Variants in FCSK observed in about 807,000 individuals in gnomAD.
FCSK encodes fucose kinase.
Under a neutral mutation model 122.5 loss-of-function variants are expected in FCSK, and 123 were observed. The ratio of observed to expected loss-of-function variants is 1.00; its 90% CI spans 0.87 to 1.17. The LOEUF is 1.17. Ranked by LOEUF, FCSK falls within the 50% of genes most tolerant of loss-of-function variation. FCSK has a pLI of 0.00. For missense variants in FCSK, 1,366 were observed against 1,450.4 expected, an observed-to-expected ratio of 0.94 and a Z score of 0.95; for synonymous variants, 620 against 625.5, an observed-to-expected ratio of 0.99 and a Z score of 0.13.
chr16:70,467,828 G>T, intron 7 of FCSK, 58 bp from the exon 8 acceptor site: 1 of 1,444,118 alleles, frequency 6.9e-7, no homozygotes, highest in Non-Finnish European at 9.8e-7. Context: ...TGTGGCTGTG[G>T]CCTCCTTCCA....
rs767321972 is a variant in FCSK, at chr16:70,479,168, G to T, written c.2930-12G>T. The T allele has an allele frequency of 6.2e-7, 1 of 1,607,730 alleles. No homozygotes were observed. Among genetic ancestry groups the T allele is most frequent in the South Asian group, 1.1e-5 (1 of 90,902 alleles). On this transcript the variant is annotated splice_polypyrimidine_tract_variant and intron_variant, in intron 22 of 23. Coordinates refer to ENST00000288078, the MANE Select transcript of FCSK (RefSeq NM_145059.3). ...TGGCCCAGGCACGTCACTCCCCTCT[G>T]CCCCACCTCAGGAAGCCTGCCTCTG...
intron 1 of FCSK, among the ~76,000 whole-genome samples, chr16:70,460,962 G>C (rs772817107): frequency 6.6e-6 from 1 of 152,228 alleles, no homozygotes; most frequent in African/African-American, 2.4e-5. Flanking sequence ...GGAGGGCTTG[G>C]TGGGCATCCT....
Position 70,471,137 on chromosome 16 carries a change from G to T in FCSK, c.1171-45G>T, listed in dbSNP as rs373492281. The T allele has an allele frequency of 3.5e-4, 551 of 1,591,128 alleles. 2 individuals are homozygous for T. Among genetic ancestry groups the T allele is most frequent in the Non-Finnish European group, 4.5e-4 (527 of 1,167,890 alleles). On this transcript the variant is annotated intron_variant, in intron 12 of 23. Transcript: ENST00000288078. Reference sequence around the variant, plus strand: ...TGGCATCCCGCATGTGTTGGGGGGTGTTGGGTGCCTGCCCACCCAGGATGC... The same window carrying T: ...TGGCATCCCGCATGTGTTGGGGGGTTTTGGGTGCCTGCCCACCCAGGATGC...
Position 70,471,012 on chromosome 16 carries a change from C to A in FCSK, c.1110C>A (p.Cys370Ter). 6.2e-7 allele frequency: 1 copy of A among 1,601,794 alleles called. No individual in the cohort carries two copies. Among genetic ancestry groups the A allele is most frequent in the Non-Finnish European group, 8.5e-7 (1 of 1,176,120 alleles). Reference sequence around the variant, plus strand: ...CGGCCGGGAGCTCTGTGGTCAGCTGCCTGCTGGAGGGCCCTGTCCAGCTGG... The same window carrying A: ...CGGCCGGGAGCTCTGTGGTCAGCTGACTGCTGGAGGGCCCTGTCCAGCTGG... Reference protein sequence around the residue: ...LLAAGSSVVSCLLEGPVQLGP... With the variant: ...LLAAGSSVVS The change falls in exon 12 of 24, where the codon TGC (cysteine) becomes TGA (stop). Residue 370 changes from cysteine (C) to a stop codon, truncating the protein, a stop_gained. Coordinates refer to ENST00000288078, the MANE Select transcript of FCSK (RefSeq NM_145059.3). LOFTEE classifies it high-confidence loss of function.
intron 20 of FCSK, among the ~76,000 whole-genome samples, chr16:70,476,559 C>T (rs1039120838): frequency 2.6e-5 from 4 of 152,060 alleles, no homozygotes; most frequent in Non-Finnish European, 5.9e-5. Context: ...TCCTGGCCAC[C>T]GAGCCCCCTG....
chr16:70,463,322 C>A (rs759844582), intron 2 of FCSK, 50 bp downstream of exon 2: 7 of 1,506,844 alleles, frequency 4.6e-6, no homozygotes, highest in Non-Finnish European at 6.4e-6. Flanking sequence ...CCTCCCTCCC[C>A]TTCCTGGCTA....
intron 20 of FCSK, among the ~76,000 whole-genome samples, chr16:70,476,525 C>T (rs2048823878): frequency 6.6e-6 from 1 of 151,514 alleles, no homozygotes. Context: ...TAATGAATGT[C>T]ACCAGCGCCA....
rs1567702199 is a variant in FCSK at position 70,469,310 on chromosome 16, G to T, written c.942G>T (p.Gln314His). 4 of 1,600,226 alleles carry T rather than the reference G, an allele frequency of 2.5e-6. No homozygotes were observed. The highest frequency in any genetic ancestry group is 1.1e-5 in the South Asian group (1 of 89,596). Residue 314 changes from glutamine (Q) to histidine (H), a missense_variant, in exon 10 of 24, where the codon CAG (glutamine) becomes CAT (histidine). Gln to His is a conservative substitution (Grantham distance 24, BLOSUM62 0). Transcript: ENST00000288078. ...AGCTGTGGAGGGAGCTTCGCGATCA[G>T]CCCCTTACCATGGGTGGGTACTGCC... ...RAQLWRELRD[Q>H]PLTMAYVSSG...
In FCSK at chr16:70,474,845, C is replaced by G; in HGVS notation, c.2211C>G (p.Gly737=). The G allele has an allele frequency of 6.3e-7, 1 of 1,595,696 alleles. No individual in the cohort carries two copies. The highest frequency in any genetic ancestry group is 8.5e-7 in the Non-Finnish European group (1 of 1,172,428). Residue 737 remains glycine (G), a synonymous_variant, in exon 18 of 24, where the codon GGC becomes GGG. Transcript: ENST00000288078. Reference sequence around the variant, plus strand: ...ATGAGCTTGGCGGGGCTGTGCTGGGCCTGGCTGTGCGAGTGGACGGCCGCC... The same window carrying G: ...ATGAGCTTGGCGGGGCTGTGCTGGGGCTGGCTGTGCGAGTGGACGGCCGCC... ...LAYELGGAVL[G]LAVRVDGRRP...
At chr16:70,455,288 A>G (rs530556294) in intron 1 of FCSK, among the ~76,000 whole-genome samples, 5 of 152,272 alleles carry the variant, frequency 3.3e-5, no homozygotes, top group African/African-American at 1.2e-4. Flanking sequence ...GACACTAAAA[A>G]ATATTTCAAC....
chr16:70,466,542 A>T (rs17885165), intron 5 of FCSK: 24,018 of 476,620 alleles, frequency 0.05, 4,563 homozygotes, highest in African/African-American at 0.41. Context: ...AAAAATTTTT[A>T]AAAAATTACC....
intron 4 of FCSK, among the ~76,000 whole-genome samples, 154 bp from the exon 5 acceptor site, chr16:70,465,978 A>G (rs2048406087): frequency 6.6e-6 from 1 of 152,172 alleles, no homozygotes; most frequent in Non-Finnish European, 1.5e-5. Flanking sequence ...ATGCAATGCA[A>G]TGCAATGCAT....
chr16:70,455,390 C>G (rs1462483602), intron 1 of FCSK, among the ~76,000 whole-genome samples: 1 of 151,948 alleles, frequency 6.6e-6, no homozygotes, highest in Non-Finnish European at 1.5e-5. Context: ...GAGGCTGAGG[C>G]GAGGGAATCG....
At chr16:70,463,512 G>A in intron 2 of FCSK, 111 bp from the exon 3 acceptor site, 2 of 1,414,100 alleles carry the variant, frequency 1.4e-6, no homozygotes, top group Non-Finnish European at 2.0e-6. Flanking sequence ...CCTCCTACAT[G>A]GAAAGCTAAG....
intron 4 of FCSK, among the ~76,000 whole-genome samples, chr16:70,465,862 AGAATT>A (rs2048401605): frequency 6.6e-6 from 1 of 152,204 alleles, no homozygotes; most frequent in Non-Finnish European, 1.5e-5. Flanking sequence ...CTGAGGCATG[AGAATT>A]GCTTGAACCC....
chr16:70,475,345 T>C lies in FCSK; in HGVS notation c.2378-5T>C. The C allele has an allele frequency of 6.2e-7, 1 of 1,609,438 alleles. No individual in the cohort carries two copies. ...AATTCCTTTCTCATGCCTGTCCTTC[T>C]GCAGGGGCCCTGCTGAAGGCGGCCT... On this transcript the variant is annotated splice_region_variant and splice_polypyrimidine_tract_variant and intron_variant, in intron 18 of 23. Coordinates refer to ENST00000288078, the MANE Select transcript of FCSK (RefSeq NM_145059.3).
rs2048752602 is a variant in FCSK, at chr16:70,474,899, C to T, written c.2265C>T (p.Ile755=). 1 of 1,609,270 alleles carries T rather than the reference C, an allele frequency of 6.2e-7. No individual in the cohort carries two copies. The highest frequency in any genetic ancestry group is 1.3e-5 in the African/African-American group (1 of 75,006). The change falls in exon 18 of 24, where the codon ATC becomes ATT. Residue 755 remains isoleucine, a synonymous_variant. Transcript: ENST00000288078. ...RRPIGARARR[I]PEPELWLAVG... ...CCATCGGAGCCAGGGCACGCCGCAT[C>T]CCGGAGCCTGAGCTGTGGCTGGCGG...
At chr16:70,462,995 T>A (rs1184840971) in intron 1 of FCSK, among the ~76,000 whole-genome samples, 174 bp from the exon 2 acceptor site, 1 of 152,194 alleles carries the variant, frequency 6.6e-6, no homozygotes, top group Non-Finnish European at 1.5e-5. Flanking sequence ...AATCAGTGGT[T>A]GTCAGGGCGT....
intron 2 of FCSK, 121 bp downstream of exon 2, chr16:70,463,393 T>C: frequency 1.1e-6 from 1 of 921,450 alleles, no homozygotes; most frequent in Non-Finnish European, 1.7e-6. Context: ...CACTTCTCCC[T>C]AGCCATGTGA....
Sources: gnomAD v4.1 joint callset for allele counts (sites outside exome capture counted in the v4.1 genomes callset) on GRCh38, gnomAD v4.1.1 for gene constraint, MANE v1.5 for transcripts, NCBI Gene and HGNC (gene_info 2026-07-23, HGNC 2026-07-21) for gene names.